PCDHGC3: variants seen among roughly 807,000 people sequenced by gnomAD.
PCDHGC3 encodes protocadherin gamma-C3.
A neutral mutation model predicts 59.2 loss-of-function variants in PCDHGC3; 26 were observed. The ratio of observed to expected loss-of-function variants is 0.44; its 90% confidence interval spans 0.32 to 0.61. The LOEUF (loss-of-function observed/expected upper bound fraction) is 0.61. Ranked by LOEUF, PCDHGC3 falls within the 20% of genes least tolerant of loss-of-function variation. The pLI, the probability that PCDHGC3 is intolerant of heterozygous loss-of-function variation, is 0.05. For missense variants in PCDHGC3, 1,080 were observed against 1,221.8 expected, an observed-to-expected ratio of 0.88 and a Z score of 1.73; for synonymous variants, 487 against 519.7, an observed-to-expected ratio of 0.94 and a Z score of 0.86.
Position 141,486,494 on chromosome 5 carries a change from A to G in PCDHGC3, c.2430+7948A>G, listed in dbSNP as rs375607204. 9.3e-6 allele frequency: 15 copies of G among 1,614,058 alleles called. No individual in the cohort carries two copies. The highest frequency in any genetic ancestry group is 1.3e-5 in the Non-Finnish European group (15 of 1,179,958). ...CCCTCCTCTCAGTACCCACAGAACT[A>G]TTTTCCTCAATATTTCAGATGTGAA... On this transcript the variant is annotated intron_variant, in intron 1 of 3. Transcript: ENST00000308177. The surrounding 1 kb of genome is among the most constrained non-coding windows in gnomAD (Gnocchi z 5.0).
rs748660721 is a variant in PCDHGC3 at position 141,485,346 on chromosome 5, G to A, written c.2430+6800G>A. The A allele has an allele frequency of 1.2e-6, 2 of 1,614,178 alleles. No individual in the cohort carries two copies. Among genetic ancestry groups the A allele is most frequent in the South Asian group, 2.2e-5 (2 of 91,088 alleles). ...CAAGATTTCCTGCTGGATACGGACA[G>A]TCTGTCAGCTCGCAGGCTGCAGGTC... On this transcript the variant is annotated intron_variant, in intron 1 of 3. Transcript: ENST00000308177. This position sits in a 1 kb window ranked among gnomAD's most constrained non-coding sequence, Gnocchi z 5.7.
Position 141,489,826 on chromosome 5 carries a change from C to T in PCDHGC3, c.2431-4981C>T, listed in dbSNP as rs1270077118. 1 of 1,614,186 alleles carries T rather than the reference C, an allele frequency of 6.2e-7. No individual in the cohort carries two copies. The highest frequency in any genetic ancestry group is 1.7e-5 in the Admixed American group (1 of 60,028). On this transcript the variant is annotated intron_variant, in intron 1 of 3. Coordinates refer to ENST00000308177, the MANE Select transcript of PCDHGC3 (RefSeq NM_002588.4). The surrounding 1 kb of genome is among the most constrained non-coding windows in gnomAD (Gnocchi z 4.5). ...TGGGAAGCCATTCCCAGAGCTGGTGCTAGAGCAGCAGCTGGATCGTGAAGC... is the reference window on the plus strand; with the variant it reads ...TGGGAAGCCATTCCCAGAGCTGGTGTTAGAGCAGCAGCTGGATCGTGAAGC...
At position 141,511,516 on chromosome 5, in the gene PCDHGC3, T is replaced by A. The variant is rs2099883825; in HGVS notation, c.*343T>A. ...CTTCCAAATCAATCAGGCCCATCCA[T>A]CCCATGCCTCCCTCCTCCCCACCCC... is the stretch of plus-strand genomic sequence containing the variant. On this transcript the variant is annotated 3_prime_UTR_variant, in exon 4 of 4. Transcript: ENST00000308177. 1 of 365,020 alleles carries A rather than the reference T, an allele frequency of 2.7e-6. No individual in the cohort carries two copies. Among genetic ancestry groups the A allele is most frequent in the Admixed American group, 4.0e-5 (1 of 25,162 alleles). The allele number at this position is 365,020 out of a possible 1,614,324, so 22.6% of individuals were successfully genotyped here.
At position 141,485,683 on chromosome 5, in the gene PCDHGC3, T is replaced by C. The variant is rs2099617681; in HGVS notation, c.2430+7137T>C. ...TGGGGAGCAATTCGATTAGCAGCTA[T>C]AGGCTGAGCTCCAATGAACACTTTG... On this transcript the variant is annotated intron_variant, in intron 1 of 3. Coordinates refer to ENST00000308177, the MANE Select transcript of PCDHGC3 (RefSeq NM_002588.4). This position sits in a 1 kb window ranked among gnomAD's most constrained non-coding sequence, Gnocchi z 5.7. 3.7e-6 allele frequency: 6 copies of C among 1,614,042 alleles called. No individual in the cohort carries two copies. The South Asian group carries it at 4.4e-5, about 12-fold the overall frequency.
Position 141,489,902 on chromosome 5 carries a change from C to T in PCDHGC3, c.2431-4905C>T. The T allele has an allele frequency of 6.2e-7, 1 of 1,614,218 alleles. No individual in the cohort carries two copies. The highest frequency in any genetic ancestry group is 8.5e-7 in the Non-Finnish European group (1 of 1,180,032). On this transcript the variant is annotated intron_variant, in intron 1 of 3. Transcript: ENST00000308177. This position sits in a 1 kb window ranked among gnomAD's most constrained non-coding sequence, Gnocchi z 4.5. Reference sequence around the variant, plus strand: ...ACTGCTGTGGATGGGGGGACCCCAGCCCGCTCAGGGACCACCCTTATCTCT... The same window carrying T: ...ACTGCTGTGGATGGGGGGACCCCAGTCCGCTCAGGGACCACCCTTATCTCT...
Position 141,486,989 on chromosome 5 carries a change from G to A in PCDHGC3, c.2431-7818G>A. 1.9e-6 allele frequency: 3 copies of A among 1,614,168 alleles called. No individual in the cohort carries two copies. Among genetic ancestry groups the A allele is most frequent in the Non-Finnish European group, 2.5e-6 (3 of 1,180,034 alleles). On this transcript the variant is annotated intron_variant, in intron 1 of 3. Transcript: ENST00000308177. This position sits in a 1 kb window ranked among gnomAD's most constrained non-coding sequence, Gnocchi z 5.0. ...CTTGGATTCAGGTTACAATGCTTGG[G>A]TTTCCTATCAGCTCCTGGAGGCCCC...
At position 141,487,570 on chromosome 5, in the gene PCDHGC3, T is replaced by A; in HGVS notation, c.2431-7237T>A. 6.2e-7 allele frequency: 1 copy of A among 1,614,178 alleles called. No homozygotes were observed. On this transcript the variant is annotated intron_variant, in intron 1 of 3. Transcript: ENST00000308177. The surrounding 1 kb of genome is among the most constrained non-coding windows in gnomAD (Gnocchi z 5.0). ...CCAGTGCACCTATGGCAGGGGAGCCTGTTCGCCCAAGCTGCCCACCCTCTG... is the reference window on the plus strand; with the variant it reads ...CCAGTGCACCTATGGCAGGGGAGCCAGTTCGCCCAAGCTGCCCACCCTCTG...
In PCDHGC3 at chr5:141,490,376, C is replaced by T. The variant is rs761956816; in HGVS notation, c.2431-4431C>T. 2 of 1,614,184 alleles carry T rather than the reference C, an allele frequency of 1.2e-6. No individual in the cohort carries two copies. The highest frequency in any genetic ancestry group is 1.7e-6 in the Non-Finnish European group (2 of 1,180,036). ...TTGTTTAATGTGCGAGACCGGGACT[C>T]AGGTAGAAATGGTGAAGTGAGCCTT... is the stretch of plus-strand genomic sequence containing the variant. On this transcript the variant is annotated intron_variant, in intron 1 of 3. Transcript: ENST00000308177. The surrounding 1 kb of genome is among the most constrained non-coding windows in gnomAD (Gnocchi z 5.4).
In PCDHGC3 at chr5:141,489,189, C is replaced by A; in HGVS notation, c.2431-5618C>A. 1 of 1,341,534 alleles carries A rather than the reference C, an allele frequency of 7.5e-7. No homozygotes were observed. The highest frequency in any genetic ancestry group is 1.0e-6 in the Non-Finnish European group (1 of 975,280). 83.1% of individuals were successfully genotyped at this position (1,341,534 alleles called of 1,614,324 possible). A position where few individuals can be genotyped will look rare whatever the true frequency, so the allele number is the denominator to read the frequency against. On this transcript the variant is annotated intron_variant, in intron 1 of 3. Transcript: ENST00000308177. This position sits in a 1 kb window ranked among gnomAD's most constrained non-coding sequence, Gnocchi z 4.5. ...TGCTGCATTCCAAGCCCTGGGTCTA[C>A]CTTGGAGACAGGACAGCACAGACTT...
chr5:141,485,421 C>G lies in PCDHGC3; in HGVS notation c.2430+6875C>G. The G allele has an allele frequency of 6.2e-7, 1 of 1,614,112 alleles. No individual in the cohort carries two copies. The highest frequency in any genetic ancestry group is 1.1e-5 in the South Asian group (1 of 91,080). ...TTCCGTGTGGATTTGGACAGCGGAG[C>G]CCTGCTCATCAAGAACCCAATCGAC... On this transcript the variant is annotated intron_variant, in intron 1 of 3. Transcript: ENST00000308177. This position sits in a 1 kb window ranked among gnomAD's most constrained non-coding sequence, Gnocchi z 5.7.
chr5:141,505,694 G>A, intron 3 of PCDHGC3, among the ~76,000 whole-genome samples: 1 of 152,208 alleles, frequency 6.6e-6, no homozygotes, highest in East Asian at 1.9e-4. Flanking sequence ...GCCTGGAGGA[G>A]AGCGAACAAG....
rs746242389 is a variant in PCDHGC3 at position 141,491,254 on chromosome 5, G to C, written c.2431-3553G>C. 3 of 1,614,080 alleles carry C rather than the reference G, an allele frequency of 1.9e-6. No individual in the cohort carries two copies. In the African/African-American group the frequency reaches 4.0e-5, roughly 22 times the overall value. On this transcript the variant is annotated intron_variant, in intron 1 of 3. Transcript: ENST00000308177. This position sits in a 1 kb window ranked among gnomAD's most constrained non-coding sequence, Gnocchi z 6.9. ...GCTGGTTCTGGAGGATGAGGACCCT[G>C]AGGAAATGCCCAAATCCAGTGACTT...
At chr5:141,509,507 T>G (rs2099877110) in intron 3 of PCDHGC3, among the ~76,000 whole-genome samples, 1 of 151,792 alleles carries the variant, frequency 6.6e-6, no homozygotes, top group African/African-American at 2.4e-5. Flanking sequence ...GATGTGACGG[T>G]GTTGATGATG....
Position 141,489,429 on chromosome 5 carries a change from G to A in PCDHGC3, c.2431-5378G>A. 1 of 1,614,140 alleles carries A rather than the reference G, an allele frequency of 6.2e-7. No individual in the cohort carries two copies. Among genetic ancestry groups the A allele is most frequent in the Non-Finnish European group, 8.5e-7 (1 of 1,180,036 alleles). ...AGATGACAGATCTGTTGAGCCGGCG[G>A]CTGCAATTGGGCTCTGAGGAGAATG... On this transcript the variant is annotated intron_variant, in intron 1 of 3. Transcript: ENST00000308177. The surrounding 1 kb of genome is among the most constrained non-coding windows in gnomAD (Gnocchi z 4.5).
rs1439461935 is a variant in PCDHGC3 at position 141,511,976 on chromosome 5, G to A, written c.*803G>A. ...ATAAGGAAGGGAAGTGTGTGGATGT[G>A]GATGGTGGGGGCATGGACAAAGCTT... is the stretch of plus-strand genomic sequence containing the variant. On this transcript the variant is annotated 3_prime_UTR_variant, in exon 4 of 4. Coordinates refer to ENST00000308177, the MANE Select transcript of PCDHGC3 (RefSeq NM_002588.4). 6.5e-6 allele frequency: 1 copy of A among 153,384 alleles called. No homozygotes were observed. Among genetic ancestry groups the A allele is most frequent in the Non-Finnish European group, 1.5e-5 (1 of 68,664 alleles). 9.5% of individuals were successfully genotyped at this position (153,384 alleles called of 1,614,324 possible).
intron 3 of PCDHGC3, among the ~76,000 whole-genome samples, chr5:141,506,799 A>G (rs1026030023): frequency 5.3e-5 from 8 of 152,198 alleles, no homozygotes; most frequent in Admixed American, 3.9e-4. Flanking sequence ...CTGGCAGAGG[A>G]TCAAGGCATT....
rs1416755901 is a variant in PCDHGC3 at position 141,489,721 on chromosome 5, G to C, written c.2431-5086G>C. The C allele has an allele frequency of 6.2e-7, 1 of 1,614,016 alleles. No homozygotes were observed. The highest frequency in any genetic ancestry group is 8.5e-7 in the Non-Finnish European group (1 of 1,179,966). On this transcript the variant is annotated intron_variant, in intron 1 of 3. Coordinates refer to ENST00000308177, the MANE Select transcript of PCDHGC3 (RefSeq NM_002588.4). The surrounding 1 kb of genome is among the most constrained non-coding windows in gnomAD (Gnocchi z 4.5). ...CCCACTGGACAGTGCCCAGGATCCGGATGTGGGCACCAATACTGTGAGCTT... is the reference window on the plus strand; with the variant it reads ...CCCACTGGACAGTGCCCAGGATCCGCATGTGGGCACCAATACTGTGAGCTT...
At chr5:141,482,458 C>T (rs986628162) in intron 1 of PCDHGC3, among the ~76,000 whole-genome samples, 1 of 147,624 alleles carries the variant, frequency 6.8e-6, no homozygotes, top group Non-Finnish European at 1.5e-5. Context: ...ATTAGCATCC[C>T]TATGTGCCAG....
intron 1 of PCDHGC3, among the ~76,000 whole-genome samples, chr5:141,484,122 T>C (rs1343894991): frequency 6.6e-6 from 1 of 152,180 alleles, no homozygotes; most frequent in African/African-American, 2.4e-5. Context: ...CAAGAATACC[T>C]TGGTGTCAGA....
Sources: allele counts gnomAD v4.1 joint callset (sites outside exome capture counted in the v4.1 genomes callset), GRCh38; gene constraint gnomAD v4.1.1; non-coding constraint Gnocchi (gnomAD v3.1); transcripts MANE v1.5; gene names NCBI Gene and HGNC (gene_info 2026-07-23, HGNC 2026-07-21).